The following COL23A1 variants were observed in gnomAD, a reference collection of about 807,000 sequenced individuals.
COL23A1 encodes the protein collagen type XXIII alpha 1 chain.
A neutral mutation model predicts 99.3 loss-of-function variants in COL23A1; 97 were observed. The ratio of observed to expected loss-of-function variants is 0.98; its 90% CI spans 0.83 to 1.16. The LOEUF (loss-of-function observed/expected upper bound fraction) is 1.16. Among genes scored for constraint, COL23A1 ranks in the 50% most tolerant of loss-of-function variants. The pLI is 0.00. For synonymous variants in COL23A1, 320 were observed against 308.2 expected, an observed-to-expected ratio of 1.04 and a Z score of -0.40; for missense variants, 762 against 757.4, an observed-to-expected ratio of 1.01 and a Z score of -0.07.
At chr5:178,283,644 G>A (rs892343011) in intron 5 of COL23A1, among the ~76,000 whole-genome samples, 1 of 152,170 alleles carries the variant, frequency 6.6e-6, no homozygotes, top group Non-Finnish European at 1.5e-5. Context: ...TTAATGTTAA[G>A]AGTTAAGACA....
In COL23A1 at chr5:178,434,573, T is replaced by C. The variant is rs1009578273; in HGVS notation, c.361+126109A>G. ...TGGGGCCTTCCCTGGGGCCTTCCAC[T>C]GGCGCTCTTCCTGGGACCCCAGCTG... On this transcript the variant is annotated intron_variant, in intron 2 of 28. Transcript: ENST00000390654. The surrounding 1 kb of genome is among the most constrained non-coding windows in gnomAD (Gnocchi z 4.3). Among the ~76,000 whole-genome samples, 2 of 152,176 alleles carry C rather than the reference T, an allele frequency of 1.3e-5. No individual in the cohort carries two copies. The highest frequency in any genetic ancestry group is 2.9e-5 in the Non-Finnish European group (2 of 68,016).
intron 5 of COL23A1, among the ~76,000 whole-genome samples, chr5:178,279,023 C>T (rs562069068): frequency 6.6e-6 from 1 of 152,298 alleles, no homozygotes; most frequent in East Asian, 1.9e-4. Context: ...CCTCATCATC[C>T]CCATTTCACA....
chr5:178,548,040 C>CA (rs1206502414), intron 2 of COL23A1, among the ~76,000 whole-genome samples: 2 of 54,592 alleles, frequency 3.7e-5, no homozygotes, highest in Non-Finnish European at 8.0e-5. Flanking sequence ...CACACCCACC[C>CA]CCACACCCAC....
At chr5:178,353,926 G>A (rs538616409) in intron 2 of COL23A1, among the ~76,000 whole-genome samples, 4 of 144,992 alleles carry the variant, frequency 2.8e-5, no homozygotes, top group South Asian at 4.5e-4. Context: ...TGTATGTTGT[G>A]CTACCGTTGA....
At chr5:178,546,536 C>T (rs1205719913) in intron 2 of COL23A1, among the ~76,000 whole-genome samples, 1 of 152,214 alleles carries the variant, frequency 6.6e-6, no homozygotes, top group Non-Finnish European at 1.5e-5. Context: ...CCCAGAGCTG[C>T]CTCGTCCTGA....
chr5:178,341,449 G>A (rs1423742933), intron 2 of COL23A1, among the ~76,000 whole-genome samples: 2 of 152,202 alleles, frequency 1.3e-5, no homozygotes, highest in East Asian at 3.9e-4. Flanking sequence ...CCAGAGCACA[G>A]GAGGAAGGGC....
rs371464717 is a variant in COL23A1 at position 178,256,899 on chromosome 5, T to C, written c.804A>G (p.Gly268=). Residue 268 remains glycine (G), a synonymous_variant, in exon 14 of 29, where the codon GGA becomes GGG. Coordinates refer to ENST00000390654, the MANE Select transcript of COL23A1 (RefSeq NM_173465.4). Reference sequence around the variant, plus strand: ...CTGGGGCACCGTCCACACCGTTCTCTCCCCGAGGCCCCATGCTCCCTGGCT... The same window carrying C: ...CTGGGGCACCGTCCACACCGTTCTCCCCCCGAGGCCCCATGCTCCCTGGCT... ...KGEPGSMGPR[G]ENGVDGAPGP... The C allele has an allele frequency of 2.5e-6, 4 of 1,613,454 alleles. No individual in the cohort carries two copies. In the African/African-American group the frequency reaches 5.3e-5, roughly 22 times the overall value.
chr5:178,284,218 G>A (rs886203061), intron 5 of COL23A1, among the ~76,000 whole-genome samples: 13 of 152,220 alleles, frequency 8.5e-5, no homozygotes, highest in Admixed American at 5.2e-4. Context: ...TCTTAAACAC[G>A]GGTGATTTCC....
intron 2 of COL23A1, among the ~76,000 whole-genome samples, chr5:178,389,384 G>A (rs1281246741): frequency 6.6e-6 from 1 of 152,192 alleles, no homozygotes; most frequent in African/African-American, 2.4e-5. Flanking sequence ...ACAGCACACA[G>A]CAACATCTGC....
rs899167468 is a variant in COL23A1 at position 178,281,332 on chromosome 5, C to T, written c.441+6992G>A. ...CGGTGCTCCATGGGCCTTTCTTGTT[C>T]ACTTGATTAATTCCAAACCGTCCAT... On this transcript the variant is annotated intron_variant, in intron 5 of 28. Transcript: ENST00000390654. This position sits in a 1 kb window ranked among gnomAD's most constrained non-coding sequence, Gnocchi z 4.0. 1.3e-5 allele frequency among the ~76,000 whole-genome samples: 2 copies of T among 152,166 alleles called. No homozygotes were observed. Among genetic ancestry groups the T allele is most frequent in the African/African-American group, 2.4e-5 (1 of 41,438 alleles).
chr5:178,238,495 G>T lies in COL23A1; in HGVS notation c.*203C>A. Reference sequence around the variant, plus strand: ...GCCCAGGCCCAAGGGTGCCCCTCAGGTACACATCTCCCTGGTCTGGCCTGT... The same window carrying T: ...GCCCAGGCCCAAGGGTGCCCCTCAGTTACACATCTCCCTGGTCTGGCCTGT... On this transcript the variant is annotated 3_prime_UTR_variant, in exon 29 of 29. Transcript: ENST00000390654. The T allele has an allele frequency of 1.6e-6, 1 of 643,912 alleles. No individual in the cohort carries two copies. Among genetic ancestry groups the T allele is most frequent in the Non-Finnish European group, 2.7e-6 (1 of 371,554 alleles). The allele number at this position is 643,912 out of a possible 1,614,324, so 39.9% of individuals were successfully genotyped here.
chr5:178,336,357 T>C (rs1760315411), intron 2 of COL23A1, among the ~76,000 whole-genome samples: 2 of 152,176 alleles, frequency 1.3e-5, no homozygotes, highest in Admixed American at 6.5e-5. Flanking sequence ...ACCTGATGAA[T>C]GGGTAAACAA....
rs1422184329 is a variant in COL23A1 at position 178,358,107 on chromosome 5, G to T, written c.362-51188C>A. On this transcript the variant is annotated intron_variant, in intron 2 of 28. Coordinates refer to ENST00000390654, the MANE Select transcript of COL23A1 (RefSeq NM_173465.4). The stretch of plus-strand genomic sequence containing the variant: ...GTACGTGTGTAGGTCTAATGTGTGT[G>T]TATGTGTATGTGTACGTGTGTACGT... Among the ~76,000 whole-genome samples, 29 of 149,384 alleles carry T rather than the reference G, an allele frequency of 1.9e-4. 2 individuals carry two copies.
intron 6 of COL23A1, among the ~76,000 whole-genome samples, chr5:178,269,206 C>G (rs1581491148): frequency 6.6e-6 from 1 of 150,910 alleles, no homozygotes; most frequent in East Asian, 1.9e-4. Flanking sequence ...TTTCTTATTT[C>G]TTAAAAAAAA....
At chr5:178,441,224 T>G (rs1010957966) in intron 2 of COL23A1, among the ~76,000 whole-genome samples, 1 of 152,234 alleles carries the variant, frequency 6.6e-6, no homozygotes, top group Non-Finnish European at 1.5e-5. Context: ...TTTAAAAAGC[T>G]GTTTGTTGGC....
chr5:178,562,418 G>C (rs1469431622), intron 1 of COL23A1, among the ~76,000 whole-genome samples: 3 of 151,816 alleles, frequency 2.0e-5, no homozygotes, highest in Non-Finnish European at 4.4e-5. Context: ...GCCGGGCGTG[G>C]TGGCGGGCGC....
rs774592853 is a variant in COL23A1 at position 178,263,243 on chromosome 5, C to G, written c.604G>C (p.Gly202Arg). 1 of 1,613,694 alleles carries G rather than the reference C, an allele frequency of 6.2e-7. No individual in the cohort carries two copies. Residue 202 changes from glycine (G) to arginine (R), a missense_variant, in exon 9 of 29, where the codon GGG becomes CGG. Physicochemically the swap from Gly to Arg is moderately radical, Grantham distance 125. Transcript: ENST00000390654. The stretch of plus-strand genomic sequence containing the variant: ...TGTGCTCCCCTGGGGCCATCTTTCC[C>G]AGTGTCGCCAGGAGGGCCCCGGGCC... ...PGARGPPGDTGKDGPRGAQGP... is the reference protein window; with the variant it reads ...PGARGPPGDTRKDGPRGAQGP...
chr5:178,248,145 C>T, intron 20 of COL23A1, 47 bp downstream of exon 20: 1 of 1,379,914 alleles, frequency 7.2e-7, no homozygotes, highest in Non-Finnish European at 1.0e-6. Context: ...CCCACCCAGC[C>T]TGGACTGGGT....
At position 178,384,068 on chromosome 5, in the gene COL23A1, C is replaced by T. The variant is rs1382664537; in HGVS notation, c.362-77149G>A. On this transcript the variant is annotated intron_variant, in intron 2 of 28. Coordinates refer to ENST00000390654, the MANE Select transcript of COL23A1 (RefSeq NM_173465.4). This position sits in a 1 kb window ranked among gnomAD's most constrained non-coding sequence, Gnocchi z 5.5. ...TGCAAGCCTGGGCTGCATCTCCTGC[C>T]ACGGCCAGGCAGGTCCCACCTCTCT... 6.6e-6 allele frequency among the ~76,000 whole-genome samples: 1 copy of T among 152,206 alleles called. No homozygotes were observed.
Sources: allele counts gnomAD v4.1 joint callset (sites outside exome capture counted in the v4.1 genomes callset), GRCh38; gene constraint gnomAD v4.1.1; non-coding constraint Gnocchi (gnomAD v3.1); transcripts MANE v1.5; gene names NCBI Gene and HGNC (gene_info 2026-07-23, HGNC 2026-07-21).